CCDC141: variants seen among roughly 807,000 people sequenced by gnomAD.
The protein encoded by CCDC141 is coiled-coil domain-containing protein 141.
In CCDC141, 168 loss-of-function variants were observed where a neutral mutation model predicts 181.0. The observed-to-expected ratio is 0.93, with a 90% CI of 0.82 to 1.05. The LOEUF is 1.05. CCDC141 is among the 50% of genes least tolerant of loss of function. The probability of loss-of-function intolerance (pLI) is 0.00; values close to 1 mark genes in which losing one functional copy is unlikely to be tolerated. For synonymous variants in CCDC141, 666 were observed against 642.3 expected (o/e 1.04, Z -0.56); for missense variants, 1,902 against 1,788.5 (o/e 1.06, Z -1.14).
chr2:178,938,687 G>A (rs1208879167), intron 6 of CCDC141, among the ~76,000 whole-genome samples: 1 of 152,064 alleles, frequency 6.6e-6, no homozygotes, highest in Non-Finnish European at 1.5e-5. Context: ...AATACTGTTA[G>A]TAGAGTTTTG....
At chr2:178,937,384 G>A (rs2089097) in intron 6 of CCDC141, among the ~76,000 whole-genome samples, 38,981 of 152,094 alleles carry the variant, frequency 0.26, 4,994 homozygotes, top group Middle Eastern at 0.3. Context: ...TTTATGTGAT[G>A]AATCACATTT....
intron 8 of CCDC141, among the ~76,000 whole-genome samples, chr2:178,896,152 G>C (rs886660266): frequency 6.6e-6 from 1 of 152,136 alleles, no homozygotes; most frequent in African/African-American, 2.4e-5. Flanking sequence ...TTATGTGGCA[G>C]GTATTGATTC....
At chr2:178,899,238 G>C (rs1434064431) in intron 8 of CCDC141, among the ~76,000 whole-genome samples, 1 of 152,140 alleles carries the variant, frequency 6.6e-6, no homozygotes, top group Non-Finnish European at 1.5e-5. Context: ...TATGTAGTAG[G>C]CTATACCATG....
rs1313433628 is a variant in CCDC141, at chr2:178,981,636, G to GTGTGTA, written c.226-2962_226-2961insTACACA. On this transcript the variant is annotated intron_variant, in intron 2 of 23. Transcript: ENST00000443758. ...TTTGTAGCATTGAATGTGTGTGTGT[G>GTGTGTA]TATATATATATATATATATATACAT... Among the ~76,000 whole-genome samples the GTGTGTA allele has an allele frequency of 1.6e-3, 101 of 62,400 alleles. 2 individuals are homozygous for GTGTGTA. Among genetic ancestry groups the GTGTGTA allele is most frequent in the African/African-American group, 5.3e-3 (97 of 18,248 alleles). 40.9% of individuals were successfully genotyped at this position (62,400 alleles called of 152,430 possible). A position where few individuals can be genotyped will look rare whatever the true frequency, so the allele number is the denominator to read the frequency against.
intron 11 of CCDC141, among the ~76,000 whole-genome samples, chr2:178,884,360 CTG>C (rs1267509065): frequency 6.6e-6 from 1 of 152,068 alleles, no homozygotes; most frequent in Non-Finnish European, 1.5e-5. Flanking sequence ...AAACAGATAA[CTG>C]TAATTTTACA....
At chr2:178,934,066 T>C (rs145308720) in intron 6 of CCDC141, among the ~76,000 whole-genome samples, 37 of 150,838 alleles carry the variant, frequency 2.5e-4, no homozygotes, top group African/African-American at 8.5e-4. Flanking sequence ...AAAACCTACA[T>C]AGAATCTCTA....
At chr2:178,941,181 C>T (rs565130757) in intron 6 of CCDC141, among the ~76,000 whole-genome samples, 1 of 152,282 alleles carries the variant, frequency 6.6e-6, no homozygotes, top group Admixed American at 6.5e-5. Flanking sequence ...TTGCTGTTTG[C>T]CTTATTCTGC....
intron 2 of CCDC141, among the ~76,000 whole-genome samples, chr2:179,015,126 TATATC>T (rs1464756254): frequency 4.9e-5 from 5 of 102,398 alleles, no homozygotes; most frequent in African/African-American, 1.4e-4. Flanking sequence ...ATCATATATA[TATATC>T]ATATCATATA....
intron 2 of CCDC141, among the ~76,000 whole-genome samples, chr2:179,011,624 C>G (rs62175985): frequency 0.086 from 13,124 of 152,138 alleles, 762 homozygotes; most frequent in Admixed American, 0.17. Flanking sequence ...AACAAATGGA[C>G]TTAGCAGATA....
chr2:178,917,981 A>C (rs1379533926), intron 7 of CCDC141, among the ~76,000 whole-genome samples: 2 of 152,238 alleles, frequency 1.3e-5, no homozygotes, highest in East Asian at 3.9e-4. Flanking sequence ...GGATGAATAA[A>C]AGGAGGCCTT....
chr2:178,918,979 T>G, intron 6 of CCDC141, 72 bp from the exon 7 acceptor site: 2 of 1,322,628 alleles, frequency 1.5e-6, no homozygotes, highest in Non-Finnish European at 2.1e-6. Flanking sequence ...CCCCCCGAAA[T>G]TCCTCTGCTG....
intron 2 of CCDC141, among the ~76,000 whole-genome samples, chr2:179,015,423 C>G (rs1245812678): frequency 7.2e-6 from 1 of 139,790 alleles, no homozygotes; most frequent in African/African-American, 2.6e-5. Flanking sequence ...CCATATATCT[C>G]ATATATGTAC....
intron 14 of CCDC141, among the ~76,000 whole-genome samples, chr2:178,870,317 G>C (rs1378706153): frequency 8.9e-6 from 1 of 111,958 alleles, no homozygotes; most frequent in African/African-American, 3.4e-5. Flanking sequence ...TGTATGAAAG[G>C]TAAAAGTAAT....
intron 17 of CCDC141, among the ~76,000 whole-genome samples, chr2:178,857,054 C>T (rs1050357669): frequency 6.6e-6 from 1 of 152,164 alleles, no homozygotes; most frequent in Non-Finnish European, 1.5e-5. Context: ...AAGAAAATTT[C>T]TCACATATCA....
At chr2:178,968,990 G>A (rs1246240635) in intron 4 of CCDC141, among the ~76,000 whole-genome samples, 3 of 150,474 alleles carry the variant, frequency 2.0e-5, no homozygotes, top group Non-Finnish European at 1.5e-5. Context: ...TAGAAGAAAT[G>A]GATAAATTCC....
intron 8 of CCDC141, among the ~76,000 whole-genome samples, chr2:178,900,233 A>G (rs996821419): frequency 6.6e-6 from 1 of 152,100 alleles, no homozygotes; most frequent in Non-Finnish European, 1.5e-5. Context: ...GTACCTAATT[A>G]TTTCTTCTTC....
In CCDC141 at chr2:178,837,642, C is replaced by A; in HGVS notation, c.3577G>T (p.Asp1193Tyr). The A allele has an allele frequency of 6.2e-7, 1 of 1,614,058 alleles. No homozygotes were observed. Among genetic ancestry groups the A allele is most frequent in the Non-Finnish European group, 8.5e-7 (1 of 1,179,962 alleles). Reference protein sequence around the residue: ...VSTDKEGGVQDLLLPEDMLSG... With the variant: ...VSTDKEGGVQYLLLPEDMLSG... The stretch of plus-strand genomic sequence containing the variant: ...AGCATGTCTTCAGGCAGGAGCAGGT[C>A]CTGGACGCCACCCTCCTTGTCAGTG... The change falls in exon 23 of 24, where the codon GAC becomes TAC. Residue 1193 changes from aspartate to tyrosine, a missense_variant. Transcript: ENST00000443758.
chr2:178,939,417 T>C (rs750486325), intron 6 of CCDC141, among the ~76,000 whole-genome samples: 1 of 152,110 alleles, frequency 6.6e-6, no homozygotes, highest in Non-Finnish European at 1.5e-5. Context: ...TTGGATGCCA[T>C]AGTCAGGAGA....
At chr2:178,977,005 CTCTTA>C (rs1691150417) in intron 3 of CCDC141, among the ~76,000 whole-genome samples, 1 of 152,146 alleles carries the variant, frequency 6.6e-6, no homozygotes, top group Non-Finnish European at 1.5e-5. Context: ...TTTCTCCACT[CTCTTA>C]TATCACTAAT....
Sources: gnomAD v4.1 joint callset for allele counts (sites outside exome capture counted in the v4.1 genomes callset) on GRCh38, gnomAD v4.1.1 for gene constraint, MANE v1.5 for transcripts, NCBI Gene and HGNC (gene_info 2026-07-23, HGNC 2026-07-21) for gene names.